AUTS2: variants seen among roughly 807,000 people sequenced by gnomAD.
AUTS2 encodes the protein activator of transcription and developmental regulator AUTS2.
AUTS2 carries 17 observed loss-of-function variants against 112.4 expected under a neutral mutation model. The observed-to-expected ratio is 0.15, with a 90% CI of 0.10 to 0.23. The LOEUF (loss-of-function observed/expected upper bound fraction) is 0.23, where lower values mean the gene tolerates loss of function less well. AUTS2 is among the 10% of genes least tolerant of loss of function. The pLI, the probability that AUTS2 is intolerant of heterozygous loss-of-function variation, is 1.00. For synonymous variants in AUTS2, 751 were observed against 702.7 expected, an observed-to-expected ratio of 1.07 and a Z score of -1.09; for missense variants, 1,510 against 1,701.6, an observed-to-expected ratio of 0.89 and a Z score of 1.98.
At chr7:70,585,833 GATTT>G (rs10578060) in intron 5 of AUTS2, among the ~76,000 whole-genome samples, 1 of 44,882 alleles carries the variant, frequency 2.2e-5, no homozygotes, top group African/African-American at 9.0e-5. Context: ...ATGAAATAAA[GATTT>G]ATTTATTTAT....
At chr7:70,026,082 C>T (rs950321098) in intron 2 of AUTS2, among the ~76,000 whole-genome samples, 4 of 152,154 alleles carry the variant, frequency 2.6e-5, no homozygotes, top group African/African-American at 9.7e-5. Context: ...TCAGCCTTCA[C>T]AGGGATTAGT....
chr7:69,849,832 C>T (rs1792379413), intron 1 of AUTS2, among the ~76,000 whole-genome samples: 1 of 152,040 alleles, frequency 6.6e-6, no homozygotes, highest in South Asian at 2.1e-4. Context: ...TTTGTTTAAT[C>T]ATTCGCTTAT....
intron 2 of AUTS2, among the ~76,000 whole-genome samples, chr7:70,091,387 C>T (rs1429931135): frequency 3.3e-5 from 5 of 152,144 alleles, no homozygotes; most frequent in Admixed American, 1.3e-4. Context: ...ATGTTTTATC[C>T]TCATAGGACT....
At chr7:70,197,453 G>A (rs1810240599) in intron 4 of AUTS2, among the ~76,000 whole-genome samples, 1 of 144,104 alleles carries the variant, frequency 6.9e-6, no homozygotes, top group South Asian at 2.4e-4. Flanking sequence ...ACTAGGGAGT[G>A]CCAGACAGTG....
At chr7:70,447,264 T>A (rs1224056662) in intron 5 of AUTS2, among the ~76,000 whole-genome samples, 1 of 152,182 alleles carries the variant, frequency 6.6e-6, no homozygotes, top group Non-Finnish European at 1.5e-5. Flanking sequence ...ACCAACCCAA[T>A]GGAGTGTAGG....
intron 17 of AUTS2, 113 bp downstream of exon 17, chr7:70,786,151 T>A: frequency 1.1e-6 from 1 of 899,058 alleles, no homozygotes; most frequent in South Asian, 1.6e-5. Context: ...GGGACCAGTG[T>A]AGGTTATATC....
chr7:70,329,755 G>T (rs1302721296), intron 4 of AUTS2, among the ~76,000 whole-genome samples: 1 of 151,390 alleles, frequency 6.6e-6, no homozygotes, highest in Non-Finnish European at 1.5e-5. Context: ...GATGCACAAG[G>T]TTTTTAATTT....
chr7:70,049,588 C>T (rs1801656666), intron 2 of AUTS2, among the ~76,000 whole-genome samples: 1 of 152,092 alleles, frequency 6.6e-6, no homozygotes, highest in Non-Finnish European at 1.5e-5. Flanking sequence ...CCTTGGCCTC[C>T]CAAAGTGCTG....
chr7:70,280,386 C>A (rs1220363537), intron 4 of AUTS2, among the ~76,000 whole-genome samples: 1 of 149,080 alleles, frequency 6.7e-6, no homozygotes, highest in African/African-American at 2.5e-5. Context: ...CGGGTTCAAG[C>A]GATTCTCATG....
intron 5 of AUTS2, among the ~76,000 whole-genome samples, chr7:70,698,366 T>C (rs1406272087): frequency 1.3e-5 from 2 of 150,420 alleles, no homozygotes. Flanking sequence ...AATCAGATTT[T>C]TTTCCCCCCA....
intron 2 of AUTS2, among the ~76,000 whole-genome samples, chr7:70,028,163 T>C (rs1290066372): frequency 6.6e-6 from 1 of 151,960 alleles, no homozygotes; most frequent in African/African-American, 2.4e-5. Flanking sequence ...CACAGCTGTA[T>C]TCATCTTCAT....
intron 1 of AUTS2, among the ~76,000 whole-genome samples, chr7:69,613,614 G>A (rs567973338): frequency 5.9e-5 from 9 of 152,312 alleles, no homozygotes; most frequent in Non-Finnish European, 8.8e-5. Flanking sequence ...GAACACAAAT[G>A]TAAAATTGGA....
At chr7:70,205,124 C>G (rs1174934651) in intron 4 of AUTS2, among the ~76,000 whole-genome samples, 1 of 152,046 alleles carries the variant, frequency 6.6e-6, no homozygotes, top group East Asian at 1.9e-4. Flanking sequence ...CCCACTGCAA[C>G]CTCAAACCCA....
chr7:70,234,183 AT>A (rs781442744), intron 4 of AUTS2, among the ~76,000 whole-genome samples: 3 of 152,138 alleles, frequency 2.0e-5, no homozygotes, highest in Admixed American at 6.5e-5. Context: ...TCATTATTAT[AT>A]GGTAACTAAC....
chr7:70,677,221 C>A (rs963580694), intron 5 of AUTS2, among the ~76,000 whole-genome samples: 4 of 152,128 alleles, frequency 2.6e-5, no homozygotes, highest in Non-Finnish European at 5.9e-5. Flanking sequence ...CAGGTGTAGT[C>A]CTTGGTTGTG....
At chr7:70,402,787 A>G (rs1794379056) in intron 4 of AUTS2, among the ~76,000 whole-genome samples, 1 of 152,174 alleles carries the variant, frequency 6.6e-6, no homozygotes, top group African/African-American at 2.4e-5. Flanking sequence ...AGTTTCAAGA[A>G]TTAAGGATGA....
chr7:70,179,097 C>T (rs1809161011), intron 4 of AUTS2, among the ~76,000 whole-genome samples: 1 of 152,134 alleles, frequency 6.6e-6, no homozygotes, highest in African/African-American at 2.4e-5. Flanking sequence ...GTGCATCACA[C>T]CAGCTCTCCA....
At chr7:70,136,871 T>C (rs1158423893) in intron 4 of AUTS2, among the ~76,000 whole-genome samples, 2 of 152,190 alleles carry the variant, frequency 1.3e-5, no homozygotes, top group African/African-American at 4.8e-5. Context: ...TTCCTTTGTT[T>C]CTATTTAGAG....
At chr7:69,915,573 G>C (rs1313846646) in intron 2 of AUTS2, among the ~76,000 whole-genome samples, 1 of 152,154 alleles carries the variant, frequency 6.6e-6, no homozygotes, top group African/African-American at 2.4e-5. Flanking sequence ...CTTACTCTTG[G>C]AACTCTTAGT....
Sources: allele counts gnomAD v4.1 joint callset (sites outside exome capture counted in the v4.1 genomes callset), GRCh38; gene constraint gnomAD v4.1.1; transcripts MANE v1.5; gene names NCBI Gene and HGNC (gene_info 2026-07-23, HGNC 2026-07-21).